The following THSD7A variants were observed in gnomAD, a reference collection of about 807,000 sequenced individuals.
THSD7A encodes the protein thrombospondin type-1 domain-containing protein 7A.
In THSD7A, 96 loss-of-function variants were observed where a neutral mutation model predicts 231.3. The observed-to-expected ratio is 0.41, with a 90% CI of 0.35 to 0.49. THSD7A has a LOEUF of 0.49. Among genes scored for constraint, THSD7A ranks in the 20% least tolerant of loss-of-function variants. THSD7A has a pLI of 0.05. For missense variants in THSD7A, 2,290 were observed against 2,070.2 expected, an observed-to-expected ratio of 1.11 and a Z score of -2.06; for synonymous variants, 940 against 743.3, an observed-to-expected ratio of 1.26 and a Z score of -4.30.
At chr7:11,435,199 A>G (rs1200759575) in intron 13 of THSD7A, among the ~76,000 whole-genome samples, 1 of 152,014 alleles carries the variant, frequency 6.6e-6, no homozygotes, top group Non-Finnish European at 1.5e-5. Flanking sequence ...TCTATGTACA[A>G]GTTCATTACC....
chr7:11,667,050 T>A (rs1373601487), intron 1 of THSD7A, among the ~76,000 whole-genome samples: 1 of 152,152 alleles, frequency 6.6e-6, no homozygotes, highest in African/African-American at 2.4e-5. Context: ...CTTAGCTTTG[T>A]TCACAAATTT....
chr7:11,664,956 G>C (rs6970002), intron 1 of THSD7A, among the ~76,000 whole-genome samples: 4 of 151,680 alleles, frequency 2.6e-5, no homozygotes, highest in African/African-American at 7.3e-5. Flanking sequence ...GGAAAGGGTG[G>C]CTTAGGTATT....
intron 1 of THSD7A, among the ~76,000 whole-genome samples, chr7:11,766,098 T>G (rs1014883261): frequency 1.3e-5 from 2 of 152,190 alleles, no homozygotes; most frequent in African/African-American, 4.8e-5. Context: ...GCAGTGAATT[T>G]TAAAAGCTGT....
intron 1 of THSD7A, among the ~76,000 whole-genome samples, chr7:11,668,815 C>A (rs879784189): frequency 6.6e-6 from 1 of 152,180 alleles, no homozygotes; most frequent in Non-Finnish European, 1.5e-5. Context: ...TCATTAAGAA[C>A]AACTGATTCC....
chr7:11,524,970 T>G (rs182058591), intron 6 of THSD7A, among the ~76,000 whole-genome samples: 39 of 152,372 alleles, frequency 2.6e-4, no homozygotes, highest in African/African-American at 9.4e-4. Flanking sequence ...TTGCCTTTCT[T>G]AATTTTAGCA....
intron 4 of THSD7A, among the ~76,000 whole-genome samples, chr7:11,578,828 T>C (rs556159812): frequency 6.6e-6 from 1 of 152,324 alleles, no homozygotes; most frequent in Admixed American, 6.5e-5. Flanking sequence ...GGATAGGTGA[T>C]GCTTAGCTTA....
In THSD7A at chr7:11,447,424, G is replaced by A. The variant is rs750120166; in HGVS notation, c.2606C>T (p.Ala869Val). Residue 869 changes from alanine to valine, a missense_variant and splice_region_variant, in exon 12 of 28, where the codon GCC becomes GTC. By Grantham distance (64) the Ala-to-Val change is moderately conservative (BLOSUM62 0). Transcript: ENST00000423059. ...TCCATCTTGCTTGCGACAAGTAATGGCTAAAAGAAAAGCATAAAGCTGTTA... is the reference window on the plus strand; with the variant it reads ...TCCATCTTGCTTGCGACAAGTAATGACTAAAAGAAAAGCATAAAGCTGTTA... ...EGCGPGRQAR[A>V]ITCRKQDGGQ... The A allele has an allele frequency of 4.5e-6, 7 of 1,548,936 alleles. No homozygotes were observed. In the East Asian group the frequency reaches 1.6e-4, roughly 36 times the overall value.
At chr7:11,466,190 C>T (rs1004029580) in intron 9 of THSD7A, among the ~76,000 whole-genome samples, 12 of 152,126 alleles carry the variant, frequency 7.9e-5, no homozygotes, top group Non-Finnish European at 1.8e-4. Context: ...AAAATTTAGA[C>T]TTTACTCGCA....
At chr7:11,580,934 C>T (rs540284876) in intron 4 of THSD7A, among the ~76,000 whole-genome samples, 2 of 152,060 alleles carry the variant, frequency 1.3e-5, no homozygotes, top group African/African-American at 4.8e-5. Flanking sequence ...ATATCTTCAA[C>T]ATCTAAATCA....
chr7:11,807,344 T>C (rs757224369), intron 1 of THSD7A, among the ~76,000 whole-genome samples: 26 of 152,134 alleles, frequency 1.7e-4, no homozygotes, highest in Admixed American at 5.2e-4. Flanking sequence ...CTGGTAGCAA[T>C]AACACCCTGA....
chr7:11,831,553 A>C lies in THSD7A; in HGVS notation c.190+204T>G, dbSNP rs895691171. Among the ~76,000 whole-genome samples the C allele has an allele frequency of 2.0e-5, 3 of 152,124 alleles. No homozygotes were observed. The highest frequency in any genetic ancestry group is 2.9e-5 in the Non-Finnish European group (2 of 68,018). ...TGCGAGAGAAATATTCCAGCTACTCACTGTTGCCTCTTAGTTGTTATGCTT... is the reference window on the plus strand; with the variant it reads ...TGCGAGAGAAATATTCCAGCTACTCCCTGTTGCCTCTTAGTTGTTATGCTT... On this transcript the variant is annotated intron_variant, in intron 1 of 27. Coordinates refer to ENST00000423059, the MANE Select transcript of THSD7A (RefSeq NM_015204.3). This position sits in a 1 kb window ranked among gnomAD's most constrained non-coding sequence, Gnocchi z 5.0.
At chr7:11,408,489 C>CTCTG (rs1491491329) in intron 19 of THSD7A, among the ~76,000 whole-genome samples, 1 of 143,766 alleles carries the variant, frequency 7.0e-6, no homozygotes, top group Non-Finnish European at 1.5e-5. Context: ...TAGAGCAAGA[C>CTCTG]TCTGTCTCCA....
chr7:11,675,860 T>A (rs1422657388), intron 1 of THSD7A, among the ~76,000 whole-genome samples: 1 of 152,210 alleles, frequency 6.6e-6, no homozygotes, highest in Non-Finnish European at 1.5e-5. Context: ...TAAACGTTCC[T>A]GCCTGCCAGC....
At chr7:11,477,374 T>C (rs776092876) in intron 7 of THSD7A, among the ~76,000 whole-genome samples, 22 of 152,188 alleles carry the variant, frequency 1.4e-4, no homozygotes, top group Admixed American at 9.8e-4. Context: ...TGATATCGTA[T>C]TCTCATTATA....
intron 1 of THSD7A, among the ~76,000 whole-genome samples, chr7:11,684,754 C>T (rs1232378058): frequency 1.3e-5 from 2 of 151,920 alleles, no homozygotes; most frequent in Non-Finnish European, 2.9e-5. Flanking sequence ...ACATTCTATG[C>T]TCATGGATTG....
chr7:11,463,372 TAAC>T (rs571374876), intron 9 of THSD7A, among the ~76,000 whole-genome samples: 4 of 152,088 alleles, frequency 2.6e-5, no homozygotes, highest in African/African-American at 9.7e-5. Context: ...AGAATCTCTT[TAAC>T]AACAACAACA....
intron 6 of THSD7A, among the ~76,000 whole-genome samples, chr7:11,516,991 A>T (rs1345370015): frequency 1.3e-5 from 2 of 152,216 alleles, no homozygotes; most frequent in African/African-American, 4.8e-5. Context: ...TCCTATCAAA[A>T]TAATTGTATA....
At chr7:11,610,956 G>A (rs935069117) in intron 2 of THSD7A, among the ~76,000 whole-genome samples, 1 of 152,112 alleles carries the variant, frequency 6.6e-6, no homozygotes, top group Non-Finnish European at 1.5e-5. Context: ...ACAAGGAAGA[G>A]GATGCCGAAG....
intron 6 of THSD7A, among the ~76,000 whole-genome samples, chr7:11,504,037 T>C (rs1787446095): frequency 6.6e-6 from 1 of 152,044 alleles, no homozygotes; most frequent in African/African-American, 2.4e-5. Context: ...CTTTTCACAA[T>C]AGCAAAGCCA....
Sources: gnomAD v4.1 joint callset for allele counts (sites outside exome capture counted in the v4.1 genomes callset) on GRCh38, gnomAD v4.1.1 for gene constraint, Gnocchi (gnomAD v3.1) non-coding constraint, MANE v1.5 for transcripts, NCBI Gene and HGNC (gene_info 2026-07-23, HGNC 2026-07-21) for gene names.